Variants in IL1RAPL2 observed in about 807,000 individuals in gnomAD.
IL1RAPL2 encodes interleukin 1 receptor accessory protein like 2.
In IL1RAPL2, 3 loss-of-function variants were observed where a neutral mutation model predicts 44.1. That is an observed-to-expected ratio of 0.07 (90% CI 0.03 to 0.18). IL1RAPL2 has a LOEUF of 0.18. Ranked by LOEUF, IL1RAPL2 falls within the 10% of genes least tolerant of loss-of-function variation. IL1RAPL2 has a pLI of 1.00. For synonymous variants in IL1RAPL2, 181 were observed against 178.8 expected (o/e 1.01, Z -0.10); for missense variants, 391 against 496.4 (o/e 0.79, Z 2.02).
At chrX:105,660,565 TAAC>T (rs2037712423) in intron 6 of IL1RAPL2, among the ~76,000 whole-genome samples, 1 of 111,136 alleles carries the variant, frequency 9.0e-6, no homozygotes, top group South Asian at 3.8e-4. Context: ...ATAATAACCA[TAAC>T]AACTTTCCAA....
At chrX:105,093,211 A>G (rs1170960662) in intron 2 of IL1RAPL2, among the ~76,000 whole-genome samples, 1 of 109,773 alleles carries the variant, frequency 9.1e-6, no homozygotes, top group Non-Finnish European at 1.9e-5. Flanking sequence ...ACACACACAC[A>G]CACCTCAACT....
intron 2 of IL1RAPL2, among the ~76,000 whole-genome samples, chrX:105,169,898 G>C (rs772894473): frequency 2.9e-5 from 3 of 102,961 alleles, no homozygotes. Flanking sequence ...GGGGAGGTAG[G>C]TTCTGCTTGT....
At chrX:105,367,199 C>T (rs1432752226) in intron 5 of IL1RAPL2, among the ~76,000 whole-genome samples, 1 of 111,481 alleles carries the variant, frequency 9.0e-6, no homozygotes, top group Non-Finnish European at 1.9e-5. Flanking sequence ...AGTACCTTCA[C>T]TTTGAGTCTA....
chrX:104,652,442 A>G, intron 1 of IL1RAPL2, among the ~76,000 whole-genome samples: 1 of 112,190 alleles, frequency 8.9e-6, no homozygotes, highest in East Asian at 2.8e-4. Context: ...TTATCTACAT[A>G]GATTTTGTTC....
intron 2 of IL1RAPL2, among the ~76,000 whole-genome samples, chrX:105,154,750 C>A (rs1347010531): frequency 3.6e-5 from 4 of 110,248 alleles, no homozygotes; most frequent in African/African-American, 1.3e-4. Context: ...TTTATAAATG[C>A]ATTTATAATC....
intron 5 of IL1RAPL2, among the ~76,000 whole-genome samples, chrX:105,383,047 G>T (rs748448439): frequency 9.2e-6 from 1 of 108,182 alleles, no homozygotes; most frequent in African/African-American, 3.4e-5. Flanking sequence ...TGCAGCACAC[G>T]AACATGGCAC....
At chrX:104,842,952 G>T (rs1036454815) in intron 2 of IL1RAPL2, among the ~76,000 whole-genome samples, 1 of 112,779 alleles carries the variant, frequency 8.9e-6, no homozygotes, top group African/African-American at 3.2e-5. Context: ...AGGATCAGCT[G>T]CTGTCTTCAG....
In IL1RAPL2 at chrX:105,139,316, A is replaced by G. The variant is rs929804435; in HGVS notation, c.83-56159A>G. The stretch of plus-strand genomic sequence containing the variant: ...TCAAGCATATTACACAGAATAAATC[A>G]TATATAGATTAATTCTGAACAGTGA... On this transcript the variant is annotated intron_variant, in intron 2 of 10. Coordinates refer to ENST00000372582, the MANE Select transcript of IL1RAPL2 (RefSeq NM_017416.2). 9.8e-5 allele frequency among the ~76,000 whole-genome samples: 11 copies of G among 111,716 alleles called. No homozygotes were observed. In the East Asian group the frequency reaches 3.1e-3, roughly 32 times the overall value.
chrX:105,739,416 T>C (rs1461825054), intron 7 of IL1RAPL2, among the ~76,000 whole-genome samples: 1 of 108,857 alleles, frequency 9.2e-6, no homozygotes, highest in East Asian at 3.0e-4. Flanking sequence ...GTTATATATG[T>C]ATACATGTGC....
At chrX:105,074,977 T>A (rs1193122340) in intron 2 of IL1RAPL2, among the ~76,000 whole-genome samples, 3 of 111,521 alleles carry the variant, frequency 2.7e-5, no homozygotes, top group Non-Finnish European at 3.8e-5. Flanking sequence ...TACAATCATG[T>A]CATCTGCAAA....
chrX:104,740,230 A>G (rs1369154859), intron 2 of IL1RAPL2, among the ~76,000 whole-genome samples: 1 of 111,188 alleles, frequency 9.0e-6, no homozygotes, highest in Admixed American at 9.6e-5. Context: ...TCAGGTCATC[A>G]GAACTTGAGT....
chrX:104,843,535 A>G (rs745461681), intron 2 of IL1RAPL2, among the ~76,000 whole-genome samples: 60 of 110,815 alleles, frequency 5.4e-4, no homozygotes, highest in Non-Finnish European at 1.1e-3. Context: ...CCCTGGTTGT[A>G]TATGCTCACA....
At chrX:105,351,028 A>G (rs1394215659) in intron 5 of IL1RAPL2, among the ~76,000 whole-genome samples, 1 of 112,147 alleles carries the variant, frequency 8.9e-6, no homozygotes, top group Non-Finnish European at 1.9e-5. Context: ...AAAAAAGCTC[A>G]TCATCACTGG....
At chrX:105,123,167 A>G (rs1212782636) in intron 2 of IL1RAPL2, among the ~76,000 whole-genome samples, 1 of 111,262 alleles carries the variant, frequency 9.0e-6, no homozygotes, top group African/African-American at 3.3e-5. Flanking sequence ...AGGTATTTAT[A>G]TCCCAGTGGA....
rs780864817 is a variant in IL1RAPL2 at position 105,735,144 on chromosome X, T to C, written c.903-5402T>C. Reference sequence around the variant, plus strand: ...GGAACAATTTCCAAACTCTTTATAGTATTAATTTGTACTAATAGTACCAAT... The same window carrying C: ...GGAACAATTTCCAAACTCTTTATAGCATTAATTTGTACTAATAGTACCAAT... On this transcript the variant is annotated intron_variant, in intron 7 of 10. Coordinates refer to ENST00000372582, the MANE Select transcript of IL1RAPL2 (RefSeq NM_017416.2). Among the ~76,000 whole-genome samples, 14 of 111,732 alleles carry C rather than the reference T, an allele frequency of 1.3e-4. 1 individual carries two copies. The South Asian group carries it at 4.5e-3, about 36-fold the overall frequency.
rs5962545 is a variant in IL1RAPL2, at chrX:105,540,833, G to A, written c.772+56446G>A. 2.2e-4 allele frequency among the ~76,000 whole-genome samples: 6 copies of A among 27,295 alleles called. 1 individual carries two copies. The highest frequency in any genetic ancestry group is 3.3e-4 in the African/African-American group (2 of 6,061). 23.7% of individuals were successfully genotyped at this position (27,295 alleles called of 115,157 possible). On this transcript the variant is annotated intron_variant, in intron 6 of 10. Coordinates refer to ENST00000372582, the MANE Select transcript of IL1RAPL2 (RefSeq NM_017416.2). ...TATAATATATACATATATTATATATGATATATAATACATACATATATTATA... is the reference window on the plus strand; with the variant it reads ...TATAATATATACATATATTATATATAATATATAATACATACATATATTATA...
At chrX:104,573,223 A>AT (rs1030273028) in intron 1 of IL1RAPL2, among the ~76,000 whole-genome samples, 14 of 112,166 alleles carry the variant, frequency 1.2e-4, no homozygotes, top group Non-Finnish European at 1.7e-4. Flanking sequence ...TAGGGCACTG[A>AT]TTTTTTTAAA....
chrX:105,347,489 G>C (rs2035119338), intron 5 of IL1RAPL2, among the ~76,000 whole-genome samples: 1 of 110,695 alleles, frequency 9.0e-6, no homozygotes, highest in African/African-American at 3.3e-5. Context: ...AAAAATAGTG[G>C]ATTCTGCTTT....
intron 2 of IL1RAPL2, among the ~76,000 whole-genome samples, chrX:104,821,791 C>G (rs1201806512): frequency 1.8e-5 from 2 of 111,952 alleles, no homozygotes; most frequent in Non-Finnish European, 3.8e-5. Context: ...AATGGTATTT[C>G]TAGTTCTAGA....
Sources: gnomAD v4.1 joint callset for allele counts (sites outside exome capture counted in the v4.1 genomes callset) on GRCh38, gnomAD v4.1.1 for gene constraint, MANE v1.5 for transcripts, NCBI Gene and HGNC (gene_info 2026-07-23, HGNC 2026-07-21) for gene names.